Variants in ERLEC1 observed in about 807,000 individuals in gnomAD.
The protein encoded by ERLEC1 is endoplasmic reticulum lectin 1.
A neutral mutation model predicts 68.0 loss-of-function variants in ERLEC1; 47 were observed. The observed-to-expected ratio is 0.69, with a 90% confidence interval of 0.55 to 0.88. The LOEUF is 0.88. ERLEC1 is among the 40% of genes least tolerant of loss of function. The pLI is 0.00. For synonymous variants in ERLEC1, 225 were observed against 203.2 expected (o/e 1.11, Z -0.91); for missense variants, 567 against 583.8 (o/e 0.97, Z 0.30).
intron 10 of ERLEC1, among the ~76,000 whole-genome samples, chr2:53,809,975 T>C (rs1240806937): frequency 6.6e-6 from 1 of 151,764 alleles, no homozygotes; most frequent in Non-Finnish European, 1.5e-5. Flanking sequence ...CACTGGAACC[T>C]GGGAGGCAGA....
intron 1 of ERLEC1, among the ~76,000 whole-genome samples, chr2:53,789,231 T>TA (rs1270430899): frequency 6.6e-6 from 1 of 151,664 alleles, no homozygotes; most frequent in East Asian, 1.9e-4. Context: ...CCATCTCTAC[T>TA]AAAAACACAA....
intron 13 of ERLEC1, among the ~76,000 whole-genome samples, chr2:53,817,302 T>G (rs1573114395): frequency 6.6e-6 from 1 of 151,934 alleles, no homozygotes; most frequent in Non-Finnish European, 1.5e-5. Flanking sequence ...CCTGGCTAAT[T>G]TTTTGTATTT....
At chr2:53,801,193 T>C (rs971502481) in intron 6 of ERLEC1, among the ~76,000 whole-genome samples, 1 of 152,354 alleles carries the variant, frequency 6.6e-6, no homozygotes, top group Admixed American at 6.5e-5. Flanking sequence ...TGTATTAAAC[T>C]AGCTCTGAAA....
chr2:53,807,215 T>C (rs1471632823), intron 8 of ERLEC1, among the ~76,000 whole-genome samples: 1 of 152,204 alleles, frequency 6.6e-6, no homozygotes, highest in Non-Finnish European at 1.5e-5. Context: ...TACCTCTTCC[T>C]CAAGTCTATA....
At chr2:53,812,706 C>T (rs141202385) in intron 10 of ERLEC1, among the ~76,000 whole-genome samples, 55 of 151,764 alleles carry the variant, frequency 3.6e-4, no homozygotes, top group Admixed American at 1.6e-3. Context: ...ATAGAAGAGC[C>T]GAAAATAACT....
At chr2:53,795,437 C>A (rs971711412) in intron 2 of ERLEC1, among the ~76,000 whole-genome samples, 1 of 152,024 alleles carries the variant, frequency 6.6e-6, no homozygotes, top group African/African-American at 2.4e-5. Flanking sequence ...TGTTTTAAGT[C>A]TCCTTGAGAC....
Position 53,799,080 on chromosome 2 carries a change from A to C in ERLEC1, c.524A>C (p.Glu175Ala), listed in dbSNP as rs1241146694. The stretch of plus-strand genomic sequence containing the variant: ...GCAGAAGAAAAGGAAAAATCAAATG[A>C]GGCAAGTGACAGATGTTGATTTTTT... ...REAEEKEKSN[E>A]IPTKNIEGQM... Residue 175 changes from glutamate (E) to alanine (A), a missense_variant and splice_region_variant, in exon 6 of 14, where the codon GAG (glutamate) becomes GCG (alanine). Glu to Ala is a moderately radical substitution (Grantham distance 107). Transcript: ENST00000185150. 2 of 1,611,710 alleles carry C rather than the reference A, an allele frequency of 1.2e-6. No individual in the cohort carries two copies. Among genetic ancestry groups the C allele is most frequent in the Non-Finnish European group, 8.5e-7 (1 of 1,178,614 alleles).
At chr2:53,811,636 G>A (rs188970833) in intron 10 of ERLEC1, among the ~76,000 whole-genome samples, 9 of 148,386 alleles carry the variant, frequency 6.1e-5, no homozygotes, top group African/African-American at 2.1e-4. Context: ...ACAACCTTAA[G>A]AAGTGGTTAT....
chr2:53,818,203 T>C lies in ERLEC1; in HGVS notation c.*234T>C, dbSNP rs1194288514. The C allele has an allele frequency of 3.0e-6, 1 of 331,878 alleles. No homozygotes were observed. Among genetic ancestry groups the C allele is most frequent in the South Asian group, 7.8e-5 (1 of 12,890 alleles). 20.6% of individuals were successfully genotyped at this position (331,878 alleles called of 1,614,324 possible). ...TGTTGTGTCTTATAAACTGACTGTT[T>C]TTCTTTGCTTGGATACTGTGATTCC... On this transcript the variant is annotated 3_prime_UTR_variant, in exon 14 of 14. Coordinates refer to ENST00000185150, the MANE Select transcript of ERLEC1 (RefSeq NM_015701.5).
intron 1 of ERLEC1, among the ~76,000 whole-genome samples, chr2:53,789,693 T>G (rs1379758634): frequency 6.6e-6 from 1 of 152,144 alleles, no homozygotes; most frequent in Non-Finnish European, 1.5e-5. Context: ...TTTTTAATAC[T>G]TCTATAACCT....
In ERLEC1 at chr2:53,801,789, C is replaced by G. The variant is rs1312295884; in HGVS notation, c.826C>G (p.Gln276Glu). 1.2e-6 allele frequency: 2 copies of G among 1,613,616 alleles called. No homozygotes were observed. The highest frequency in any genetic ancestry group is 2.7e-5 in the African/African-American group (2 of 74,894). The change falls in exon 8 of 14, where the codon CAG becomes GAG. Residue 276 changes from glutamine to glutamate, a missense_variant. By Grantham distance (29) the Gln-to-Glu change is conservative. Transcript: ENST00000185150. ...GSPFKPLTLR[Q>E]LEQQEEILRV... is the part of the protein sequence containing the mutation. ...TCCATTTAAGCCCCTCACCCTGAGGCAGCTGGAGCAGCAGGAAGAAATACT... is the reference window on the plus strand; with the variant it reads ...TCCATTTAAGCCCCTCACCCTGAGGGAGCTGGAGCAGCAGGAAGAAATACT...
At chr2:53,810,114 C>G (rs1676511532) in intron 10 of ERLEC1, among the ~76,000 whole-genome samples, 1 of 151,990 alleles carries the variant, frequency 6.6e-6, no homozygotes, top group Non-Finnish European at 1.5e-5. Flanking sequence ...ATGATAAGAT[C>G]ATACATTATC....
chr2:53,806,756 C>T (rs895876057), intron 8 of ERLEC1, among the ~76,000 whole-genome samples: 5 of 152,144 alleles, frequency 3.3e-5, no homozygotes, highest in African/African-American at 1.2e-4. Flanking sequence ...ACATAGTATC[C>T]ACCATATATT....
At chr2:53,801,961 C>A (rs371828633) in intron 8 of ERLEC1, 119 bp downstream of exon 8, 2 of 764,672 alleles carry the variant, frequency 2.6e-6, no homozygotes, top group East Asian at 2.7e-5. Flanking sequence ...CTGGCCCAAC[C>A]TTTTGAATTT....
intron 3 of ERLEC1, 97 bp downstream of exon 3, chr2:53,796,110 G>T: frequency 3.2e-6 from 2 of 634,868 alleles, no homozygotes; most frequent in Non-Finnish European, 4.9e-6. Context: ...GTTGTGTCAG[G>T]TTTTTTTTTT....
intron 6 of ERLEC1, 50 bp from the exon 7 acceptor site, chr2:53,801,347 C>A: frequency 2.1e-6 from 3 of 1,399,388 alleles, no homozygotes; most frequent in South Asian, 1.2e-5. Flanking sequence ...CACCCCCAGT[C>A]CCATCTCCAT....
At chr2:53,814,377 C>T (rs1010243253) in intron 11 of ERLEC1, among the ~76,000 whole-genome samples, 166 bp from the exon 12 acceptor site, 1 of 152,062 alleles carries the variant, frequency 6.6e-6, no homozygotes, top group Admixed American at 6.6e-5. Context: ...GAGAATGCCT[C>T]TGTGAGATAA....
chr2:53,797,941 A>T (rs1675804396), intron 5 of ERLEC1, 146 bp downstream of exon 5: 2 of 711,426 alleles, frequency 2.8e-6, no homozygotes, highest in Admixed American at 4.7e-5. Context: ...TGACGCGTGT[A>T]ATCCCAGCAC....
chr2:53,812,939 C>A lies in ERLEC1; in HGVS notation c.1102-10C>A, dbSNP rs754164937. ...AGCACGCATTATCACAAATTTTTTT[C>A]CCATATTAGGACAAGGATAGTGGGA... On this transcript the variant is annotated splice_polypyrimidine_tract_variant and intron_variant, in intron 10 of 13. Transcript: ENST00000185150. 3 of 1,596,874 alleles carry A rather than the reference C, an allele frequency of 1.9e-6. No homozygotes were observed. The African/African-American group carries it at 4.1e-5, about 22-fold the overall frequency.
Sources: gnomAD v4.1 joint callset for allele counts (sites outside exome capture counted in the v4.1 genomes callset) on GRCh38, gnomAD v4.1.1 for gene constraint, MANE v1.5 for transcripts, NCBI Gene and HGNC (gene_info 2026-07-23, HGNC 2026-07-21) for gene names.